The following FAM135A variants were observed in gnomAD, a reference collection of about 807,000 sequenced individuals.
FAM135A encodes the protein family with sequence similarity 135 member A.
FAM135A carries 79 observed loss-of-function variants against 146.8 expected under a neutral mutation model. The ratio of observed to expected loss-of-function variants is 0.54; its 90% CI spans 0.45 to 0.65. The LOEUF is 0.65. FAM135A is among the 30% of genes least tolerant of loss of function. The pLI, the probability that FAM135A is intolerant of heterozygous loss-of-function variation, is 0.00. For synonymous variants in FAM135A, 562 were observed against 603.6 expected, an observed-to-expected ratio of 0.93 and a Z score of 1.01; for missense variants, 1,623 against 1,758.2, an observed-to-expected ratio of 0.92 and a Z score of 1.38.
At chr6:70,543,486 A>T (rs1798297224) in intron 20 of FAM135A, among the ~76,000 whole-genome samples, 1 of 152,204 alleles carries the variant, frequency 6.6e-6, no homozygotes, top group Non-Finnish European at 1.5e-5. Context: ...AAATTCTCTT[A>T]TAGATTGGGT....
At chr6:70,435,672 A>C (rs1772943109) in intron 4 of FAM135A, among the ~76,000 whole-genome samples, 1 of 152,122 alleles carries the variant, frequency 6.6e-6, no homozygotes. Flanking sequence ...GGCATGCGTC[A>C]CCATGCCCTG....
chr6:70,534,985 G>A (rs939624704), intron 18 of FAM135A, among the ~76,000 whole-genome samples: 13 of 152,158 alleles, frequency 8.5e-5, no homozygotes, highest in African/African-American at 1.4e-4. Flanking sequence ...TTATTCATTT[G>A]TGGATCTTAA....
At chr6:70,498,603 G>A (rs1356743194) in intron 11 of FAM135A, among the ~76,000 whole-genome samples, 1 of 152,194 alleles carries the variant, frequency 6.6e-6, no homozygotes, top group Admixed American at 6.5e-5. Flanking sequence ...GCTTTCTGAT[G>A]TGGGCATTTA....
At chr6:70,542,248 GCACACACA>G (rs112638092) in intron 20 of FAM135A, among the ~76,000 whole-genome samples, 1 of 141,852 alleles carries the variant, frequency 7.0e-6, no homozygotes, top group Non-Finnish European at 1.5e-5. Context: ...TTTTTATCCT[GCACACACA>G]CACACACACA....
In FAM135A at chr6:70,413,553, TC is replaced by T; in HGVS notation, c.-367del. On this transcript the variant is annotated 5_prime_UTR_variant, in exon 1 of 22. Transcript: ENST00000418814. ...AGCCGAGCCGCGGTGACGAACCGGC[TC>T]CGCGGTTGCGGTGTTTGCGGTTGCT... 6.5e-6 allele frequency: 1 copy of T among 154,534 alleles called. No homozygotes were observed. The highest frequency in any genetic ancestry group is 3.2e-3 in the Middle Eastern group (1 of 308). The allele number at this position is 154,534 out of a possible 1,614,324, so 9.6% of individuals were successfully genotyped here.
intron 5 of FAM135A, among the ~76,000 whole-genome samples, chr6:70,456,602 T>G (rs1261374844): frequency 6.6e-6 from 1 of 152,194 alleles, no homozygotes; most frequent in Non-Finnish European, 1.5e-5. Flanking sequence ...GGTTAGATTT[T>G]TAGGTTGGTG....
chr6:70,463,641 A>T (rs1582303560), intron 5 of FAM135A, among the ~76,000 whole-genome samples: 1 of 152,292 alleles, frequency 6.6e-6, no homozygotes, highest in African/African-American at 2.4e-5. Flanking sequence ...AACAAACATC[A>T]ATCACCATTA....
intron 4 of FAM135A, among the ~76,000 whole-genome samples, chr6:70,444,142 C>T (rs1416786463): frequency 6.6e-6 from 1 of 152,162 alleles, no homozygotes; most frequent in Non-Finnish European, 1.5e-5. Flanking sequence ...CGGTGGCTCA[C>T]GCCTGTAATC....
chr6:70,464,244 A>T (rs1362011343), intron 5 of FAM135A, among the ~76,000 whole-genome samples: 1 of 152,272 alleles, frequency 6.6e-6, no homozygotes, highest in Admixed American at 6.5e-5. Flanking sequence ...GCCTCTAATT[A>T]TCTCAAGTCT....
chr6:70,505,566 A>G (rs1320217153), intron 12 of FAM135A, among the ~76,000 whole-genome samples: 1 of 151,980 alleles, frequency 6.6e-6, no homozygotes, highest in Non-Finnish European at 1.5e-5. Flanking sequence ...GGTAAATTAT[A>G]TTTTTGGAGG....
At chr6:70,473,409 A>G (rs1247366578) in intron 5 of FAM135A, among the ~76,000 whole-genome samples, 3 of 151,576 alleles carry the variant, frequency 2.0e-5, no homozygotes, top group Non-Finnish European at 4.4e-5. Context: ...ACACATACAT[A>G]TGCAAATTTA....
At chr6:70,474,532 G>C (rs955532191) in intron 5 of FAM135A, among the ~76,000 whole-genome samples, 8 of 152,108 alleles carry the variant, frequency 5.3e-5, no homozygotes, top group Non-Finnish European at 1.2e-4. Context: ...TAATTCAGTA[G>C]AACAACTCAC....
At chr6:70,494,503 AAAAAG>A (rs1786770787) in intron 11 of FAM135A, among the ~76,000 whole-genome samples, 2 of 152,238 alleles carry the variant, frequency 1.3e-5, no homozygotes, top group South Asian at 4.1e-4. Flanking sequence ...TCAAGTTTAA[AAAAAG>A]AAAAGAAAAA....
intron 4 of FAM135A, among the ~76,000 whole-genome samples, chr6:70,434,608 A>ATATTTGAAGTAG (rs1772527328): frequency 6.6e-6 from 1 of 152,248 alleles, no homozygotes; most frequent in Non-Finnish European, 1.5e-5. Flanking sequence ...TCTGTGTACC[A>ATATTTGAAGTAG]TATTTGAAGT....
chr6:70,442,178 T>C (rs1774666848), intron 4 of FAM135A, among the ~76,000 whole-genome samples: 2 of 151,932 alleles, frequency 1.3e-5, no homozygotes, highest in Non-Finnish European at 2.9e-5. Flanking sequence ...TATAGAATAG[T>C]TTCAAAATAA....
At chr6:70,496,810 G>A (rs1323371287) in intron 11 of FAM135A, among the ~76,000 whole-genome samples, 1 of 151,280 alleles carries the variant, frequency 6.6e-6, no homozygotes, top group East Asian at 1.9e-4. Flanking sequence ...AAGATCAGAT[G>A]GTTGTAGATG....
At chr6:70,443,587 T>C (rs1301742025) in intron 4 of FAM135A, among the ~76,000 whole-genome samples, 1 of 152,262 alleles carries the variant, frequency 6.6e-6, no homozygotes, top group Non-Finnish European at 1.5e-5. Context: ...AGAGTGACTA[T>C]ATTTTGTTAG....
chr6:70,511,144 G>A (rs1246794026), intron 12 of FAM135A, among the ~76,000 whole-genome samples: 12 of 151,896 alleles, frequency 7.9e-5, no homozygotes, highest in Admixed American at 7.9e-4. Flanking sequence ...TCTTTTTGTT[G>A]TTGAGTTTCA....
In FAM135A at chr6:70,413,999, C is replaced by T. The variant is rs1766894697; in HGVS notation, c.-220+297C>T. ...CGTCCCTCGACCCGTTCTTCCTGAA[C>T]CTCGCGCCTAGCGTGTTTGCCCTTC... On this transcript the variant is annotated intron_variant, in intron 1 of 21. Coordinates refer to ENST00000418814, the MANE Select transcript of FAM135A (RefSeq NM_001162529.3). The T allele has an allele frequency of 3.0e-6, 3 of 985,702 alleles. No individual in the cohort carries two copies. In the South Asian group the frequency reaches 1.4e-4, roughly 46 times the overall value. 61.1% of individuals were successfully genotyped at this position (985,702 alleles called of 1,614,324 possible). A position where few individuals can be genotyped will look rare whatever the true frequency, so the allele number is the denominator to read the frequency against.
Sources: allele counts gnomAD v4.1 joint callset (sites outside exome capture counted in the v4.1 genomes callset), GRCh38; gene constraint gnomAD v4.1.1; transcripts MANE v1.5; gene names NCBI Gene and HGNC (gene_info 2026-07-23, HGNC 2026-07-21).